The following CDH12 variants were observed in gnomAD, a reference collection of about 807,000 sequenced individuals.
CDH12 encodes the protein cadherin-12.
A neutral mutation model predicts 74.1 loss-of-function variants in CDH12; 41 were observed. The observed-to-expected ratio is 0.55, with a 90% CI of 0.43 to 0.72. CDH12 has a LOEUF of 0.72. CDH12 is among the 30% of genes least tolerant of loss of function. The probability of loss-of-function intolerance (pLI) is 0.00; values close to 1 mark genes in which losing one functional copy is unlikely to be tolerated. For synonymous variants in CDH12, 399 were observed against 355.0 expected (o/e 1.12, Z -1.39); for missense variants, 945 against 977.2 (o/e 0.97, Z 0.44).
chr5:22,168,760 A>G (rs1375269770), intron 4 of CDH12, among the ~76,000 whole-genome samples: 1 of 149,438 alleles, frequency 6.7e-6, no homozygotes, highest in Non-Finnish European at 1.5e-5. Context: ...TGTCTGATAT[A>G]TGTCATATAT....
At chr5:21,760,783 T>A (rs1421708562) in intron 12 of CDH12, 108 bp from the exon 13 acceptor site, 1 of 726,864 alleles carries the variant, frequency 1.4e-6, no homozygotes, top group Non-Finnish European at 2.5e-6. Flanking sequence ...AAATGGCACT[T>A]TTTGAATCAA....
chr5:22,571,602 C>T (rs1405121182), intron 1 of CDH12, among the ~76,000 whole-genome samples: 1 of 152,216 alleles, frequency 6.6e-6, no homozygotes, highest in East Asian at 1.9e-4. Flanking sequence ...GCTGGGATTA[C>T]AGGCATGAGC....
At chr5:21,959,925 A>T (rs1756277858) in intron 6 of CDH12, among the ~76,000 whole-genome samples, 1 of 94,582 alleles carries the variant, frequency 1.1e-5, no homozygotes, top group Admixed American at 1.0e-4. Context: ...GCTCCATCTC[A>T]AAAAAAAAAA....
chr5:22,264,257 A>G lies in CDH12; in HGVS notation c.-332-51614T>C, dbSNP rs906603858. Among the ~76,000 whole-genome samples the G allele has an allele frequency of 2.0e-4, 31 of 152,186 alleles. No individual in the cohort carries two copies. The East Asian group carries it at 2.5e-3, about 12-fold the overall frequency. ...TGTATCCTTGTCAACATAAACTCAGATATGTGTGGGTAAACACACATACAC... is the reference window on the plus strand; with the variant it reads ...TGTATCCTTGTCAACATAAACTCAGGTATGTGTGGGTAAACACACATACAC... On this transcript the variant is annotated intron_variant, in intron 3 of 14. Coordinates refer to ENST00000382254, the MANE Select transcript of CDH12 (RefSeq NM_004061.5).
chr5:22,116,958 T>TC (rs549957116), intron 4 of CDH12, among the ~76,000 whole-genome samples: 19 of 150,676 alleles, frequency 1.3e-4, no homozygotes, highest in Non-Finnish European at 2.2e-4. Flanking sequence ...TATTTTTTTT[T>TC]CCCTCTTTTT....
At chr5:22,464,162 T>A (rs1341678059) in intron 2 of CDH12, among the ~76,000 whole-genome samples, 1 of 152,178 alleles carries the variant, frequency 6.6e-6, no homozygotes, top group East Asian at 1.9e-4. Flanking sequence ...TGTCTTCTCT[T>A]TGCCTGCTGC....
intron 1 of CDH12, among the ~76,000 whole-genome samples, chr5:22,769,288 TAGA>T (rs745796579): frequency 2.0e-5 from 3 of 152,102 alleles, no homozygotes; most frequent in Non-Finnish European, 4.4e-5. Context: ...ACAAAGCAGG[TAGA>T]AGAAGATGGG....
chr5:21,842,547 A>G lies in CDH12; in HGVS notation c.647-219T>C, dbSNP rs1165249344. Among the ~76,000 whole-genome samples, 8 of 152,148 alleles carry G rather than the reference A, an allele frequency of 5.3e-5. No individual in the cohort carries two copies. The South Asian group carries it at 6.2e-4, about 12-fold the overall frequency. On this transcript the variant is annotated intron_variant, in intron 7 of 14. Coordinates refer to ENST00000382254, the MANE Select transcript of CDH12 (RefSeq NM_004061.5). ...CTACACAACAAAATGCCATGCCACA[A>G]TGAGAAATATGGTTAAAGAACAATG...
chr5:21,807,115 G>A (rs190843820), intron 9 of CDH12, among the ~76,000 whole-genome samples: 11 of 152,094 alleles, frequency 7.2e-5, no homozygotes, highest in Admixed American at 6.6e-4. Flanking sequence ...TCTAAGATTG[G>A]TCTTTTGAGA....
intron 5 of CDH12, among the ~76,000 whole-genome samples, chr5:22,054,831 C>A (rs988065164): frequency 1.1e-4 from 17 of 152,038 alleles, no homozygotes; most frequent in African/African-American, 4.1e-4. Context: ...CAAGAATAGG[C>A]TACAGGACAG....
At position 22,739,080 on chromosome 5, in the gene CDH12, G is replaced by A. The variant is rs74624044; in HGVS notation, c.-523+113978C>T. Among the ~76,000 whole-genome samples, 712 of 151,858 alleles carry A rather than the reference G, an allele frequency of 4.7e-3. 3 individuals are homozygous for A. Among genetic ancestry groups the A allele is most frequent in the East Asian group, 0.034 (175 of 5,166 alleles). On this transcript the variant is annotated intron_variant, in intron 1 of 14. Transcript: ENST00000382254. ...TGTCTTTTAAAATAAAGAAAATCAC[G>A]ATTAAAACTAAAGCTCAAATGTCAC...
intron 6 of CDH12, among the ~76,000 whole-genome samples, chr5:21,874,766 C>T (rs140617799): frequency 6.6e-6 from 1 of 152,174 alleles, no homozygotes; most frequent in African/African-American, 2.4e-5. Flanking sequence ...GTCCGCCGCA[C>T]TTCTGATCCA....
chr5:21,917,256 C>T (rs1309709748), intron 6 of CDH12, among the ~76,000 whole-genome samples: 1 of 152,086 alleles, frequency 6.6e-6, no homozygotes, highest in African/African-American at 2.4e-5. Flanking sequence ...CTGACCTGGC[C>T]GCATATGGGA....
At chr5:21,864,085 TA>T (rs1447356577) in intron 6 of CDH12, among the ~76,000 whole-genome samples, 28 of 152,072 alleles carry the variant, frequency 1.8e-4, no homozygotes, top group African/African-American at 5.8e-4. Flanking sequence ...TTCTATTATA[TA>T]AAAAAGGCAT....
At chr5:22,506,299 T>G (rs1442414376) in intron 1 of CDH12, among the ~76,000 whole-genome samples, 2 of 152,144 alleles carry the variant, frequency 1.3e-5, no homozygotes, top group African/African-American at 4.8e-5. Flanking sequence ...TCCCCATTTG[T>G]TTGTTTCCTT....
chr5:22,637,644 T>C (rs1303462258), intron 1 of CDH12, among the ~76,000 whole-genome samples: 1 of 152,212 alleles, frequency 6.6e-6, no homozygotes, highest in East Asian at 1.9e-4. Flanking sequence ...CATGGTCTCA[T>C]TAGAGTCTCT....
At chr5:22,336,908 T>C (rs923458655) in intron 3 of CDH12, among the ~76,000 whole-genome samples, 2 of 152,096 alleles carry the variant, frequency 1.3e-5, no homozygotes, top group African/African-American at 2.4e-5. Flanking sequence ...GCTTGCACCA[T>C]CCACCTGGAA....
At chr5:22,409,437 A>C (rs1743087460) in intron 2 of CDH12, among the ~76,000 whole-genome samples, 1 of 152,060 alleles carries the variant, frequency 6.6e-6, no homozygotes, top group African/African-American at 2.4e-5. Flanking sequence ...TTATTTCTCC[A>C]ATTCAAAACC....
chr5:22,377,598 C>G (rs1741587545), intron 3 of CDH12, among the ~76,000 whole-genome samples: 1 of 152,176 alleles, frequency 6.6e-6, no homozygotes, highest in Admixed American at 6.5e-5. Flanking sequence ...ATCTGCAACT[C>G]CCCTCTCTCT....
Sources: allele counts gnomAD v4.1 joint callset (sites outside exome capture counted in the v4.1 genomes callset), GRCh38; gene constraint gnomAD v4.1.1; transcripts MANE v1.5; gene names NCBI Gene and HGNC (gene_info 2026-07-23, HGNC 2026-07-21).